HECW2: variants seen among roughly 807,000 people sequenced by gnomAD.
HECW2 encodes E3 ubiquitin-protein ligase HECW2.
In HECW2, 61 loss-of-function variants were observed where a neutral mutation model predicts 175.2. The ratio of observed to expected loss-of-function variants is 0.35; its 90% CI spans 0.28 to 0.43. The LOEUF (loss-of-function observed/expected upper bound fraction) is 0.43, where lower values mean the gene tolerates loss of function less well. HECW2 is among the 20% of genes least tolerant of loss of function. HECW2 has a pLI of 1.00. For synonymous variants in HECW2, 671 were observed against 731.0 expected, an observed-to-expected ratio of 0.92 and a Z score of 1.32; for missense variants, 1,524 against 2,000.5, an observed-to-expected ratio of 0.76 and a Z score of 4.54.
chr2:196,386,532 T>C (rs1359650228), intron 2 of HECW2, among the ~76,000 whole-genome samples: 1 of 152,240 alleles, frequency 6.6e-6, no homozygotes, highest in Non-Finnish European at 1.5e-5. Flanking sequence ...AATTAGCTTT[T>C]CACTGCTGCC....
chr2:196,516,084 C>T (rs1253384560), intron 1 of HECW2, among the ~76,000 whole-genome samples: 1 of 152,112 alleles, frequency 6.6e-6, no homozygotes, highest in Non-Finnish European at 1.5e-5. Context: ...TTGCAGTGAG[C>T]TGAGATCGCA....
intron 21 of HECW2, among the ~76,000 whole-genome samples, chr2:196,229,798 A>G (rs1346137820): frequency 2.6e-5 from 4 of 152,200 alleles, no homozygotes; most frequent in Admixed American, 2.6e-4. Context: ...CATTATTAAT[A>G]TTTTTCATTA....
At chr2:196,311,139 T>C (rs1691481556) in intron 10 of HECW2, among the ~76,000 whole-genome samples, 1 of 152,248 alleles carries the variant, frequency 6.6e-6, no homozygotes, top group Non-Finnish European at 1.5e-5. Flanking sequence ...TATATTGGTG[T>C]TCCACATAAT....
chr2:196,223,395 A>G (rs1687740017), intron 23 of HECW2, among the ~76,000 whole-genome samples: 1 of 152,198 alleles, frequency 6.6e-6, no homozygotes, highest in South Asian at 2.1e-4. Flanking sequence ...TGATGCCTAC[A>G]TTAAATCTTT....
intron 5 of HECW2, among the ~76,000 whole-genome samples, chr2:196,328,515 TG>T (rs576085137): frequency 5.1e-4 from 78 of 152,334 alleles, no homozygotes; most frequent in African/African-American, 1.8e-3. Flanking sequence ...AATGAACTGA[TG>T]TGTACACTTT....
At chr2:196,278,241 C>T (rs949625744) in intron 15 of HECW2, among the ~76,000 whole-genome samples, 3 of 144,224 alleles carry the variant, frequency 2.1e-5, no homozygotes, top group East Asian at 2.1e-4. Context: ...CTTCCTGTCT[C>T]GAACATTTTA....
chr2:196,576,856 G>A (rs1016888525), intron 1 of HECW2, among the ~76,000 whole-genome samples: 1 of 151,886 alleles, frequency 6.6e-6, no homozygotes, highest in African/African-American at 2.4e-5. Context: ...CCTCAATAAA[G>A]CTGGAAAAAG....
At chr2:196,464,489 C>T (rs767147456) in intron 1 of HECW2, among the ~76,000 whole-genome samples, 23 of 152,126 alleles carry the variant, frequency 1.5e-4, no homozygotes, top group Non-Finnish European at 2.6e-4. Context: ...CTGAGACATT[C>T]AATCCTCTTT....
rs752881725 is a variant in HECW2 at position 196,318,543 on chromosome 2, A to T, written c.2338+9T>A. 6.7e-7 allele frequency: 1 copy of T among 1,498,038 alleles called. No individual in the cohort carries two copies. Among genetic ancestry groups the T allele is most frequent in the South Asian group, 1.4e-5 (1 of 71,060 alleles). The allele number at this position is 1,498,038 out of a possible 1,614,324, so 92.8% of individuals were successfully genotyped here. ...CGAGCCAAGAGCCACAGTGGTGTCC[A>T]TATCCTACCTCCAGTAGCGCCCTCC... On this transcript the variant is annotated intron_variant, in intron 9 of 28. Coordinates refer to ENST00000644978, the MANE Select transcript of HECW2 (RefSeq NM_001348768.2).
At chr2:196,211,295 C>T (rs1418266779) in intron 28 of HECW2, among the ~76,000 whole-genome samples, 2 of 152,192 alleles carry the variant, frequency 1.3e-5, no homozygotes, top group Non-Finnish European at 2.9e-5. Flanking sequence ...ATTTTTTGGA[C>T]TGTTTGAGAG....
chr2:196,557,569 G>A (rs1376114367), intron 1 of HECW2, among the ~76,000 whole-genome samples: 2 of 150,724 alleles, frequency 1.3e-5, no homozygotes, highest in East Asian at 1.9e-4. Flanking sequence ...AGCCCAAGGG[G>A]AAAAAAAAAT....
Position 196,358,585 on chromosome 2 carries a change from CAAAAAAAAAAAAAAA to C in HECW2, c.293-14836_293-14822del, listed in dbSNP as rs144181608. 2.5e-3 allele frequency among the ~76,000 whole-genome samples: 171 copies of C among 67,366 alleles called. 1 individual carries two copies. The highest frequency in any genetic ancestry group is 5.9e-3 in the South Asian group (8 of 1,356). 44.2% of individuals were successfully genotyped at this position (67,366 alleles called of 152,430 possible). ...TGGGAGACAGAGCAAGACTCTGTCT[CAAAAAAAAAAAAAAA>C]AAAAAAAAAAAAAAAAAGAAACTCT... On this transcript the variant is annotated intron_variant, in intron 2 of 28. Coordinates refer to ENST00000644978, the MANE Select transcript of HECW2 (RefSeq NM_001348768.2).
intron 1 of HECW2, among the ~76,000 whole-genome samples, chr2:196,460,894 G>A (rs181201971): frequency 6.7e-6 from 1 of 149,302 alleles, no homozygotes; most frequent in East Asian, 2.0e-4. Flanking sequence ...CAAAGTACTA[G>A]GATTACAGGT....
intron 2 of HECW2, among the ~76,000 whole-genome samples, chr2:196,396,409 A>G (rs976323826): frequency 4.6e-5 from 7 of 152,256 alleles, no homozygotes; most frequent in African/African-American, 1.7e-4. Flanking sequence ...CCAAAAAGAT[A>G]GTAAATTATC....
At chr2:196,382,012 A>C (rs893827614) in intron 2 of HECW2, among the ~76,000 whole-genome samples, 1 of 152,184 alleles carries the variant, frequency 6.6e-6, no homozygotes, top group Non-Finnish European at 1.5e-5. Context: ...CATCTCAACA[A>C]TAAAAGTGTG....
chr2:196,387,890 A>G (rs989772172), intron 2 of HECW2, among the ~76,000 whole-genome samples: 7 of 152,202 alleles, frequency 4.6e-5, no homozygotes, highest in African/African-American at 1.7e-4. Context: ...ATTTCATTGA[A>G]GAGTAGCAGC....
intron 2 of HECW2, among the ~76,000 whole-genome samples, chr2:196,377,470 C>T (rs1484706885): frequency 1.3e-5 from 2 of 152,194 alleles, no homozygotes; most frequent in African/African-American, 4.8e-5. Context: ...CAAGGGACGT[C>T]TTACATGGTA....
Position 196,209,323 on chromosome 2 carries a change from C to CT in HECW2, c.4607+6541dup, listed in dbSNP as rs1276631333. On this transcript the variant is annotated intron_variant, in intron 28 of 28. Coordinates refer to ENST00000644978, the MANE Select transcript of HECW2 (RefSeq NM_001348768.2). ...TTTTACATTAATTACAGAAGAGTCC[C>CT]TTTTTTTAATACAATCTGTTTTTAT... Among the ~76,000 whole-genome samples, 14 of 152,178 alleles carry CT rather than the reference C, an allele frequency of 9.2e-5. No homozygotes were observed. In the South Asian group the frequency reaches 2.3e-3, roughly 25 times the overall value.
intron 1 of HECW2, among the ~76,000 whole-genome samples, chr2:196,573,494 G>A (rs762879976): frequency 6.6e-6 from 1 of 152,032 alleles, no homozygotes; most frequent in Non-Finnish European, 1.5e-5. Context: ...CAGAGTGCAT[G>A]GACAAGGGAG....
Sources: allele counts gnomAD v4.1 joint callset (sites outside exome capture counted in the v4.1 genomes callset), GRCh38; gene constraint gnomAD v4.1.1; transcripts MANE v1.5; gene names NCBI Gene and HGNC (gene_info 2026-07-23, HGNC 2026-07-21).